The following EIF4H variants were observed in gnomAD, a reference collection of about 807,000 sequenced individuals.
EIF4H encodes Williams-Beuren syndrome chromosome region 1.
A neutral mutation model predicts 30.6 loss-of-function variants in EIF4H; 8 were observed. The observed-to-expected ratio is 0.26, with a 90% CI of 0.15 to 0.47. The LOEUF (loss-of-function observed/expected upper bound fraction) is 0.47. EIF4H is among the 20% of genes least tolerant of loss of function. The probability of loss-of-function intolerance (pLI) is 0.99; values close to 1 mark genes in which losing one functional copy is unlikely to be tolerated. For synonymous variants in EIF4H, 106 were observed against 122.7 expected (o/e 0.86, Z 0.90); for missense variants, 188 against 339.5 (o/e 0.55, Z 3.51).
At chr7:74,192,866 C>T (rs532517445) in intron 5 of EIF4H, among the ~76,000 whole-genome samples, 15 of 151,426 alleles carry the variant, frequency 9.9e-5, no homozygotes, top group South Asian at 2.1e-4. Context: ...TTAGTAGAGA[C>T]GGGGTCTCTC....
rs889137421 is a variant in EIF4H, at chr7:74,181,228, C to T, written c.60-6383C>T. 2.6e-5 allele frequency among the ~76,000 whole-genome samples: 4 copies of T among 152,194 alleles called. No individual in the cohort carries two copies. In the East Asian group the frequency reaches 7.7e-4, roughly 29 times the overall value. On this transcript the variant is annotated intron_variant, in intron 1 of 6. Transcript: ENST00000265753. ...ATTTCTGTTACATCTATCTTCCCTACTTTTGGGTGGAGGTGTGGGCTAGGA... is the reference window on the plus strand; with the variant it reads ...ATTTCTGTTACATCTATCTTCCCTATTTTTGGGTGGAGGTGTGGGCTAGGA...
chr7:74,190,089 C>G (rs1163391175), intron 4 of EIF4H, 158 bp from the exon 5 acceptor site: 1 of 1,114,204 alleles, frequency 9.0e-7, no homozygotes, highest in Non-Finnish European at 1.3e-6. Context: ...CTTCTGCAAG[C>G]CTGGCGTTTT....
At chr7:74,180,643 A>G (rs1000813234) in intron 1 of EIF4H, among the ~76,000 whole-genome samples, 1 of 152,234 alleles carries the variant, frequency 6.6e-6, no homozygotes, top group East Asian at 1.9e-4. Context: ...ATTTTAAGGC[A>G]TCAGCACACT....
chr7:74,193,885 G>A (rs1554710333), intron 5 of EIF4H, among the ~76,000 whole-genome samples: 1 of 152,132 alleles, frequency 6.6e-6, no homozygotes, highest in Non-Finnish European at 1.5e-5. Flanking sequence ...GGGATTACAG[G>A]CGTGAACCAG....
At chr7:74,184,901 G>A (rs1801048179) in intron 1 of EIF4H, among the ~76,000 whole-genome samples, 1 of 152,076 alleles carries the variant, frequency 6.6e-6, no homozygotes, top group South Asian at 2.1e-4. Flanking sequence ...GGCTGGTCTT[G>A]AACTTCTGGC....
Position 74,195,106 on chromosome 7 carries a change from G to A in EIF4H, c.608-63G>A, listed in dbSNP as rs571000253. The A allele has an allele frequency of 2.6e-5, 41 of 1,588,874 alleles. 1 individual carries two copies. In the South Asian group the frequency reaches 4.6e-4, roughly 18 times the overall value. On this transcript the variant is annotated intron_variant, in intron 6 of 6. Coordinates refer to ENST00000265753, the MANE Select transcript of EIF4H (RefSeq NM_022170.2). ...GGTTTGCTGACAGCAACATCAGCAT[G>A]GTCGTTTTGCTGGATATGGAATGGG...
intron 4 of EIF4H, 34 bp from the exon 5 acceptor site, chr7:74,190,213 C>T (rs782807691): frequency 6.9e-6 from 11 of 1,603,278 alleles, no homozygotes; most frequent in East Asian, 2.2e-5. Context: ...GGTAATGACA[C>T]GACCTCAACT....
chr7:74,177,191 C>G (rs1800860397), intron 1 of EIF4H, among the ~76,000 whole-genome samples: 1 of 152,144 alleles, frequency 6.6e-6, no homozygotes, highest in African/African-American at 2.4e-5. Context: ...TCAAGTGATC[C>G]TCCCGCCTCA....
At chr7:74,191,887 C>T (rs1409717535) in intron 5 of EIF4H, among the ~76,000 whole-genome samples, 2 of 152,088 alleles carry the variant, frequency 1.3e-5, no homozygotes, top group Non-Finnish European at 2.9e-5. Flanking sequence ...TCATGCCATT[C>T]TCCTGCCTCA....
chr7:74,189,430 A>G (rs1801156665), intron 2 of EIF4H, among the ~76,000 whole-genome samples: 2 of 152,204 alleles, frequency 1.3e-5, no homozygotes, highest in South Asian at 4.1e-4. Flanking sequence ...TTCAAGAAGA[A>G]AGCTTTCTAG....
chr7:74,191,890 C>T (rs1249395632), intron 5 of EIF4H, among the ~76,000 whole-genome samples: 1 of 152,142 alleles, frequency 6.6e-6, no homozygotes, highest in Non-Finnish European at 1.5e-5. Flanking sequence ...TGCCATTCTC[C>T]TGCCTCAGCC....
chr7:74,190,280 G>A lies in EIF4H; in HGVS notation c.443G>A (p.Trp148Ter), dbSNP rs1554709736. 1 of 1,614,164 alleles carries A rather than the reference G, an allele frequency of 6.2e-7. No homozygotes were observed. Among genetic ancestry groups the A allele is most frequent in the East Asian group, 2.2e-5 (1 of 44,888 alleles). ...AGCTCTCGAGAATCTAGAGGTGGAT[G>A]GGATTCCCGGGATGACTTCAATTCT... ...MGSSRESRGG[W>*]DSRDDFNSGF... is the part of the protein sequence containing the mutation. Residue 148 changes from tryptophan (W) to a stop codon, truncating the protein, a stop_gained, in exon 5 of 7, where the codon TGG becomes TAG. Transcript: ENST00000265753. LOFTEE classifies it high-confidence loss of function.
intron 5 of EIF4H, chr7:74,191,298 GTCT>G (rs782568112): frequency 1.1e-5 from 6 of 532,442 alleles, no homozygotes; most frequent in African/African-American, 1.9e-5. Flanking sequence ...TGCAGCAGCT[GTCT>G]TCTTAGAGCC....
chr7:74,192,012 C>T (rs181871174), intron 5 of EIF4H, among the ~76,000 whole-genome samples: 1 of 152,148 alleles, frequency 6.6e-6, no homozygotes, highest in African/African-American at 2.4e-5. Flanking sequence ...ATCTCCTGAC[C>T]TCGTGATCCA....
Position 74,178,031 on chromosome 7 carries a change from C to T in EIF4H, c.59+3589C>T, listed in dbSNP as rs190262900. On this transcript the variant is annotated intron_variant, in intron 1 of 6. Coordinates refer to ENST00000265753, the MANE Select transcript of EIF4H (RefSeq NM_022170.2). ...TCATAGCTCAGTGCAGCCTCGACTT[C>T]CCAGGCTCAAGCCATCCTCCCACCT... 4.2e-3 allele frequency among the ~76,000 whole-genome samples: 639 copies of T among 152,218 alleles called. 7 individuals carry two copies. Among genetic ancestry groups the T allele is most frequent in the African/African-American group, 0.015 (618 of 41,552 alleles).
chr7:74,185,540 G>A (rs1038291229), intron 1 of EIF4H, among the ~76,000 whole-genome samples: 3 of 152,202 alleles, frequency 2.0e-5, no homozygotes, highest in Middle Eastern at 3.4e-3. Flanking sequence ...GGAAAGTACC[G>A]GAATTGTGAA....
chr7:74,190,255 A>G lies in EIF4H; in HGVS notation c.418A>G (p.Ser140Gly). ...TTTTTGTGTATCCTCAGGAATGGGTAGCTCTCGAGAATCTAGAGGTGGATG... is the reference window on the plus strand; with the variant it reads ...TTTTTGTGTATCCTCAGGAATGGGTGGCTCTCGAGAATCTAGAGGTGGATG... ...KGGPDDRGMG[S>G]SRESRGGWDS... The change falls in exon 5 of 7, where the codon AGC becomes GGC. Residue 140 changes from serine (S) to glycine (G), a missense_variant. Ser to Gly is a moderately conservative substitution (Grantham distance 56, BLOSUM62 0). This residue lies in a region of EIF4H where 76 missense variants were observed against 85.8 expected (regional missense o/e 0.89). Transcript: ENST00000265753. 1.2e-6 allele frequency: 2 copies of G among 1,614,198 alleles called. No homozygotes were observed. Among genetic ancestry groups the G allele is most frequent in the Non-Finnish European group, 1.7e-6 (2 of 1,180,008 alleles).
intron 5 of EIF4H, among the ~76,000 whole-genome samples, chr7:74,191,630 A>G (rs933881792): frequency 6.6e-6 from 1 of 152,136 alleles, no homozygotes; most frequent in African/African-American, 2.4e-5. Flanking sequence ...ATACCTGCTC[A>G]TGTAAAAAAC....
intron 1 of EIF4H, among the ~76,000 whole-genome samples, chr7:74,179,379 C>T (rs1350185409): frequency 6.6e-6 from 1 of 152,124 alleles, no homozygotes; most frequent in African/African-American, 2.4e-5. Context: ...CTCCTGTAAC[C>T]CCAGGACTTT....
Sources: gnomAD v4.1 joint callset for allele counts (sites outside exome capture counted in the v4.1 genomes callset) on GRCh38, gnomAD v4.1.1 for gene constraint, gnomAD v4.1.1 regional missense constraint, MANE v1.5 for transcripts, NCBI Gene and HGNC (gene_info 2026-07-23, HGNC 2026-07-21) for gene names.